The following ARHGAP29 variants were observed in gnomAD, a reference collection of about 807,000 sequenced individuals.
The protein encoded by ARHGAP29 is rho GTPase-activating protein 29.
Under a neutral mutation model 122.6 loss-of-function variants are expected in ARHGAP29, and 43 were observed. The observed-to-expected ratio is 0.35, with a 90% CI of 0.27 to 0.45. The LOEUF (loss-of-function observed/expected upper bound fraction) is 0.45, where lower values mean the gene tolerates loss of function less well. Ranked by LOEUF, ARHGAP29 falls within the 20% of genes least tolerant of loss-of-function variation. The pLI, the probability that ARHGAP29 is intolerant of heterozygous loss-of-function variation, is 1.00. For missense variants in ARHGAP29, 1,303 were observed against 1,477.2 expected, an observed-to-expected ratio of 0.88 and a Z score of 1.93; for synonymous variants, 506 against 497.1, an observed-to-expected ratio of 1.02 and a Z score of -0.24.
At chr1:94,215,020 T>A (rs180826120) in intron 3 of ARHGAP29, among the ~76,000 whole-genome samples, 7 of 148,418 alleles carry the variant, frequency 4.7e-5, no homozygotes, top group Non-Finnish European at 1.0e-4. Context: ...CTGGTCACAA[T>A]CCACTAACTT....
rs141002563 is a variant in ARHGAP29 at position 94,199,390 on chromosome 1, AT to A, written c.1281+2329del. On this transcript the variant is annotated intron_variant, in intron 12 of 22. Transcript: ENST00000260526. ...CAACAAATGGTATCAAAACAAGTGG[AT>A]ATCTGCATTTACCATGTTTTTTATT... is the stretch of plus-strand genomic sequence containing the variant. 9.5e-3 allele frequency among the ~76,000 whole-genome samples: 1,454 copies of A among 152,338 alleles called. 20 individuals carry two copies. Among genetic ancestry groups the A allele is most frequent in the African/African-American group, 0.033 (1,382 of 41,568 alleles).
intron 1 of ARHGAP29, among the ~76,000 whole-genome samples, chr1:94,261,039 T>C (rs890302757): frequency 5.9e-5 from 9 of 152,274 alleles, no homozygotes; most frequent in African/African-American, 2.2e-4. Context: ...GTCTCTGTTC[T>C]TGAAACATTA....
chr1:94,265,004 T>A (rs1654707263), intron 1 of ARHGAP29, among the ~76,000 whole-genome samples: 1 of 152,178 alleles, frequency 6.6e-6, no homozygotes, highest in African/African-American at 2.4e-5. Context: ...ACAAGCCCAG[T>A]GAGAAACTGA....
At chr1:94,185,569 G>C in intron 16 of ARHGAP29, 88 bp from the exon 17 acceptor site, 1 of 1,148,856 alleles carries the variant, frequency 8.7e-7, no homozygotes, top group Non-Finnish European at 1.2e-6. Flanking sequence ...TTTAAACCCT[G>C]TAATCATTCA....
rs571320239 is a variant in ARHGAP29, at chr1:94,212,193, G to A, written c.341-2843C>T. On this transcript the variant is annotated intron_variant, in intron 3 of 22. Transcript: ENST00000260526. The stretch of plus-strand genomic sequence containing the variant: ...ACCTACTCAGGAGGCTGAGGCAGGA[G>A]ACTGCAGTGGGCTGAGATCTCACCA... Among the ~76,000 whole-genome samples the A allele has an allele frequency of 2.0e-5, 3 of 152,228 alleles. No homozygotes were observed. The East Asian group carries it at 5.8e-4, about 29-fold the overall frequency.
intron 22 of ARHGAP29, among the ~76,000 whole-genome samples, chr1:94,175,706 TTTTG>T (rs1477000840): frequency 6.6e-6 from 1 of 151,944 alleles, no homozygotes; most frequent in Non-Finnish European, 1.5e-5. Context: ...TATTGTTTTG[TTTTG>T]TTTTTGTTTT....
chr1:94,182,454 T>C (rs1341403570), intron 19 of ARHGAP29, among the ~76,000 whole-genome samples: 1 of 152,064 alleles, frequency 6.6e-6, no homozygotes, highest in Non-Finnish European at 1.5e-5. Context: ...GCAGCGCTTA[T>C]GGAGTGCCCT....
chr1:94,287,996 A>G, the ARHGAP29 span, among the ~76,000 whole-genome samples: 1 of 152,216 alleles, frequency 6.6e-6, no homozygotes, highest in African/African-American at 2.4e-5. Flanking sequence ...AGCAAGATTT[A>G]TAATCCTTTG....
At chr1:94,278,484 T>A (rs1655258654), upstream of ARHGAP29, among the ~76,000 whole-genome samples, 1 of 152,192 alleles carries the variant, frequency 6.6e-6, no homozygotes, top group Non-Finnish European at 1.5e-5. Flanking sequence ...ATGTCTTTTA[T>A]GGAGAAGGAA....
chr1:94,199,475 C>T (rs573636895), intron 12 of ARHGAP29, among the ~76,000 whole-genome samples: 1 of 152,182 alleles, frequency 6.6e-6, no homozygotes, highest in Non-Finnish European at 1.5e-5. Context: ...GAGAGACTGA[C>T]TCTCTCTGGG....
At chr1:94,285,615 G>A in the ARHGAP29 span, among the ~76,000 whole-genome samples, 16 of 152,088 alleles carry the variant, frequency 1.1e-4, no homozygotes, top group Non-Finnish European at 2.1e-4. Flanking sequence ...AAGTACATTC[G>A]CCTGTAATCC....
chr1:94,201,635 A>G (rs951978666), intron 12 of ARHGAP29, 85 bp downstream of exon 12: 33 of 1,532,544 alleles, frequency 2.2e-5, no homozygotes, highest in Non-Finnish European at 2.7e-5. Context: ...AGCCTCCCAA[A>G]GTGCTGGGAT....
chr1:94,185,299 CA>C (rs762239351), intron 17 of ARHGAP29, 42 bp downstream of exon 17: 14 of 1,513,198 alleles, frequency 9.3e-6, no homozygotes, highest in Non-Finnish European at 1.2e-5. Flanking sequence ...AAGTATAAAA[CA>C]AAAAGCATAA....
chr1:94,277,238 C>T (rs1024849003), upstream of ARHGAP29, among the ~76,000 whole-genome samples: 1 of 152,064 alleles, frequency 6.6e-6, no homozygotes, highest in Non-Finnish European at 1.5e-5. Context: ...AATAGTGTTG[C>T]CATTCTCGGA....
intron 1 of ARHGAP29, among the ~76,000 whole-genome samples, chr1:94,260,360 C>G (rs1016068924): frequency 3.3e-5 from 5 of 152,176 alleles, no homozygotes; most frequent in Non-Finnish European, 5.9e-5. Flanking sequence ...CTGATGGACT[C>G]TCTGCATTGC....
intron 3 of ARHGAP29, among the ~76,000 whole-genome samples, chr1:94,214,996 A>G (rs1210997274): frequency 1.3e-5 from 2 of 151,668 alleles, no homozygotes; most frequent in Non-Finnish European, 2.9e-5. Context: ...ATTCTCTTTC[A>G]TTTTTTAAAA....
At chr1:94,236,945 C>A (rs1653313096) in intron 1 of ARHGAP29, among the ~76,000 whole-genome samples, 2 of 152,162 alleles carry the variant, frequency 1.3e-5, no homozygotes, top group South Asian at 2.1e-4. Context: ...GGAGCAAAAG[C>A]GCCTGGGTTT....
At position 94,177,880 on chromosome 1, in the gene ARHGAP29, A is replaced by G. The variant is rs766774910; in HGVS notation, c.2768T>C (p.Met923Thr). 9.9e-6 allele frequency: 16 copies of G among 1,613,044 alleles called. No homozygotes were observed. In the Middle Eastern group the frequency reaches 4.9e-4, roughly 50 times the overall value. Residue 923 changes from methionine to threonine, a missense_variant, in exon 21 of 23, where the codon ATG (methionine) becomes ACG (threonine). Transcript: ENST00000260526. The stretch of plus-strand genomic sequence containing the variant: ...CTTTGAAGAAAAAAATAGTGACTTC[A>G]TGGAACGTTCAATGTCTCTTTCTTC... ...SPEERDIERS[M>T]KSLFFSSKED...
At chr1:94,221,253 C>T (rs1324598940) in intron 2 of ARHGAP29, among the ~76,000 whole-genome samples, 1 of 152,066 alleles carries the variant, frequency 6.6e-6, no homozygotes, top group Admixed American at 6.5e-5. Context: ...GTATAATCAC[C>T]CTACCTTTAA....
Sources: gnomAD v4.1 joint callset for allele counts (sites outside exome capture counted in the v4.1 genomes callset) on GRCh38, gnomAD v4.1.1 for gene constraint, MANE v1.5 for transcripts, NCBI Gene and HGNC (gene_info 2026-07-23, HGNC 2026-07-21) for gene names.